JPH3: variants seen among roughly 807,000 people sequenced by gnomAD.
JPH3 encodes junctophilin-3.
JPH3 carries 11 observed loss-of-function variants against 59.6 expected under a neutral mutation model. The observed-to-expected ratio is 0.18, with a 90% CI of 0.12 to 0.31. The LOEUF is 0.31. Among genes scored for constraint, JPH3 ranks in the 10% least tolerant of loss-of-function variants. The pLI, the probability that JPH3 is intolerant of heterozygous loss-of-function variation, is 1.00. For synonymous variants in JPH3, 673 were observed against 483.6 expected (o/e 1.39, Z -5.14); for missense variants, 1,202 against 1,105.7 (o/e 1.09, Z -1.24).
At chr16:87,691,086 A>AT (rs1555543739) in intron 4 of JPH3, among the ~76,000 whole-genome samples, 2 of 138,528 alleles carry the variant, frequency 1.4e-5, no homozygotes, top group African/African-American at 5.4e-5. Context: ...CTCACCCAGC[A>AT]CCCCCCCCCC....
At chr16:87,612,864 A>G (rs912922279) in intron 1 of JPH3, among the ~76,000 whole-genome samples, 15 of 151,560 alleles carry the variant, frequency 9.9e-5, no homozygotes, top group African/African-American at 3.6e-4. Context: ...TAAAAATACA[A>G]AAAAAATATT....
chr16:87,674,282 C>G (rs538158403), intron 2 of JPH3, among the ~76,000 whole-genome samples: 1 of 152,022 alleles, frequency 6.6e-6, no homozygotes, highest in South Asian at 2.1e-4. Flanking sequence ...TGCAGTGAGC[C>G]GAGATCGCGC....
At chr16:87,629,683 G>C (rs556305845) in intron 1 of JPH3, among the ~76,000 whole-genome samples, 14 of 152,028 alleles carry the variant, frequency 9.2e-5, no homozygotes, top group Non-Finnish European at 1.6e-4. Flanking sequence ...CCCAGGGTTG[G>C]GGGGGAGGGA....
intron 1 of JPH3, among the ~76,000 whole-genome samples, chr16:87,609,260 TTTTA>T (rs1185821890): frequency 6.6e-6 from 1 of 152,118 alleles, no homozygotes; most frequent in African/African-American, 2.4e-5. Context: ...ATTTTTTTGT[TTTTA>T]TTTATTTATT....
chr16:87,686,181 C>T (rs1172383923), intron 3 of JPH3, among the ~76,000 whole-genome samples: 4 of 152,342 alleles, frequency 2.6e-5, no homozygotes, highest in Admixed American at 6.5e-5. Context: ...CCCCCACCCC[C>T]GCGTGGTGCT....
intron 2 of JPH3, among the ~76,000 whole-genome samples, chr16:87,658,612 A>G (rs1178155866): frequency 2.0e-5 from 3 of 151,990 alleles, no homozygotes; most frequent in East Asian, 1.9e-4. Context: ...GACCCAGGGC[A>G]TGATGTCGTG....
intron 1 of JPH3, among the ~76,000 whole-genome samples, chr16:87,627,581 C>T (rs868795575): frequency 5.3e-5 from 8 of 152,286 alleles, no homozygotes; most frequent in Middle Eastern, 3.4e-3. Flanking sequence ...GGACTGTGAC[C>T]GCTGTTGGTG....
At chr16:87,607,766 G>C (rs2030580267) in intron 1 of JPH3, among the ~76,000 whole-genome samples, 1 of 152,334 alleles carries the variant, frequency 6.6e-6, no homozygotes, top group Non-Finnish European at 1.5e-5. Context: ...TTTCAAATGA[G>C]TGCCCAGGTT....
At chr16:87,617,539 A>G (rs894387184) in intron 1 of JPH3, among the ~76,000 whole-genome samples, 12 of 146,630 alleles carry the variant, frequency 8.2e-5, no homozygotes, top group Non-Finnish European at 9.0e-5. Context: ...ATGGGGGGCC[A>G]GAGAGGAAGC....
intron 1 of JPH3, among the ~76,000 whole-genome samples, chr16:87,608,226 G>T (rs925582219): frequency 6.6e-6 from 1 of 152,236 alleles, no homozygotes; most frequent in Non-Finnish European, 1.5e-5. Context: ...GAGTGTGGGG[G>T]TGGGGGCAGG....
intron 3 of JPH3, 129 bp downstream of exon 3, chr16:87,684,395 C>A: frequency 7.1e-7 from 1 of 1,404,864 alleles, no homozygotes; most frequent in South Asian, 1.4e-5. Context: ...TGCTCCCCTG[C>A]CCGGTGTCTT....
chr16:87,661,845 C>T (rs553578568), intron 2 of JPH3, among the ~76,000 whole-genome samples: 1 of 152,222 alleles, frequency 6.6e-6, no homozygotes, highest in Non-Finnish European at 1.5e-5. Context: ...TCCCCAATTA[C>T]GAAGCCAGGG....
intron 2 of JPH3, among the ~76,000 whole-genome samples, chr16:87,652,523 G>C (rs1374690745): frequency 6.6e-6 from 1 of 152,230 alleles, no homozygotes; most frequent in Non-Finnish European, 1.5e-5. Flanking sequence ...GAGCGCAGTG[G>C]TGCCATCACG....
chr16:87,690,321 G>A lies in JPH3; in HGVS notation c.1961G>A (p.Arg654Lys). Reference sequence around the variant, plus strand: ...GAGGACCGGGGCTTCGGGGTGCAGAGACTGCGGTCCAAGGCCCAGAACAAG... The same window carrying A: ...GAGGACCGGGGCTTCGGGGTGCAGAAACTGCGGTCCAAGGCCCAGAACAAG... ...RPEDRGFGVQ[R>K]LRSKAQNKEN... is the part of the protein sequence containing the mutation. The change falls in exon 4 of 5, where the codon AGA becomes AAA. Residue 654 changes from arginine to lysine, a missense_variant. Coordinates refer to ENST00000284262, the MANE Select transcript of JPH3 (RefSeq NM_020655.4). The A allele has an allele frequency of 6.3e-7, 1 of 1,592,462 alleles. No homozygotes were observed. The highest frequency in any genetic ancestry group is 8.5e-7 in the Non-Finnish European group (1 of 1,170,230).
chr16:87,644,053 G>T (rs1382858783), intron 1 of JPH3, among the ~76,000 whole-genome samples: 1 of 152,164 alleles, frequency 6.6e-6, no homozygotes, highest in Non-Finnish European at 1.5e-5. Context: ...CAGGAGGATC[G>T]CCTGAGCCCA....
chr16:87,649,009 C>G (rs1453094843), intron 2 of JPH3, among the ~76,000 whole-genome samples: 8 of 152,184 alleles, frequency 5.3e-5, no homozygotes, highest in Admixed American at 5.2e-4. Context: ...GCATCACACA[C>G]GCAGCCACAA....
chr16:87,642,281 C>A (rs576935962), intron 1 of JPH3, among the ~76,000 whole-genome samples: 1 of 152,140 alleles, frequency 6.6e-6, no homozygotes, highest in East Asian at 1.9e-4. Flanking sequence ...GGCTGCTTCG[C>A]TCCGAGAGAT....
intron 2 of JPH3, among the ~76,000 whole-genome samples, chr16:87,665,235 C>A (rs117069924): frequency 1.4e-3 from 209 of 152,320 alleles, no homozygotes; most frequent in Non-Finnish European, 2.5e-3. Context: ...GACCCCTGAG[C>A]CGATTGGCTG....
At chr16:87,648,273 G>A (rs1313037828) in intron 2 of JPH3, among the ~76,000 whole-genome samples, 2 of 152,172 alleles carry the variant, frequency 1.3e-5, no homozygotes, top group East Asian at 3.9e-4. Context: ...AGGGAAGAGA[G>A]TCTGCCGCCC....
Sources: allele counts gnomAD v4.1 joint callset (sites outside exome capture counted in the v4.1 genomes callset), GRCh38; gene constraint gnomAD v4.1.1; transcripts MANE v1.5; gene names NCBI Gene and HGNC (gene_info 2026-07-23, HGNC 2026-07-21).